Variants in SORD observed in about 807,000 individuals in gnomAD.
SORD encodes (R,R)-butanediol dehydrogenase.
SORD carries 18 observed loss-of-function variants against 35.6 expected under a neutral mutation model. The ratio of observed to expected loss-of-function variants is 0.51; its 90% CI spans 0.35 to 0.75. The LOEUF (loss-of-function observed/expected upper bound fraction) is 0.75, where lower values mean the gene tolerates loss of function less well. SORD is among the 30% of genes least tolerant of loss of function. SORD has a pLI of 0.01. For synonymous variants in SORD, 106 were observed against 152.9 expected (o/e 0.69, Z 2.26); for missense variants, 250 against 390.2 (o/e 0.64, Z 3.03).
At chr15:45,029,507 G>A (rs1892736001) in intron 1 of SORD, among the ~76,000 whole-genome samples, 1 of 152,276 alleles carries the variant, frequency 6.6e-6, no homozygotes, top group South Asian at 2.1e-4. Flanking sequence ...CAGCACCCAG[G>A]TAAGGGTGTC....
Position 45,023,283 on chromosome 15 carries a change from C to T in SORD, c.-1C>T, listed in dbSNP as rs1276843122. On this transcript the variant is annotated 5_prime_UTR_variant, in exon 1 of 9. Transcript: ENST00000267814. Reference sequence around the variant, plus strand: ...CCGCACTCCAGAGCCAAAAGAGCTCCATGGCGGCGGCGGCCAAGCCCAACA... The same window carrying T: ...CCGCACTCCAGAGCCAAAAGAGCTCTATGGCGGCGGCGGCCAAGCCCAACA... The T allele has an allele frequency of 6.9e-6, 11 of 1,583,904 alleles. No homozygotes were observed. In the Admixed American group the frequency reaches 9.0e-5, roughly 13 times the overall value.
At chr15:45,064,139 T>C (rs1012633647) in intron 4 of SORD, among the ~76,000 whole-genome samples, 1 of 149,830 alleles carries the variant, frequency 6.7e-6, no homozygotes, top group African/African-American at 2.4e-5. Context: ...GTGTGCAGAT[T>C]TGGGGTGCTG....
In SORD at chr15:45,066,999, G is replaced by T. The variant is rs181289413; in HGVS notation, c.545-1182G>T. On this transcript the variant is annotated intron_variant, in intron 5 of 8. Transcript: ENST00000267814. ...CAAGAGAACCACTGTTAATATTTGG[G>T]TATAGAATCTTTTAGTTAGTTAGTT... 3.9e-4 allele frequency among the ~76,000 whole-genome samples: 60 copies of T among 152,274 alleles called. 1 individual carries two copies. In the East Asian group the frequency reaches 0.01, roughly 26 times the overall value.
At chr15:45,040,923 G>A (rs1157769613) in intron 2 of SORD, among the ~76,000 whole-genome samples, 1 of 152,212 alleles carries the variant, frequency 6.6e-6, no homozygotes, top group Non-Finnish European at 1.5e-5. Flanking sequence ...TCACCAAAGT[G>A]TGGGGCAGCC....
intron 4 of SORD, among the ~76,000 whole-genome samples, 162 bp from the exon 5 acceptor site, chr15:45,065,109 G>A (rs1174196017): frequency 6.6e-6 from 1 of 152,210 alleles, no homozygotes; most frequent in African/African-American, 2.4e-5. Context: ...GGATTTACGT[G>A]AGTTAATGTA....
chr15:45,059,103 A>G (rs1350302532), intron 3 of SORD, among the ~76,000 whole-genome samples: 1 of 152,032 alleles, frequency 6.6e-6, no homozygotes, highest in Admixed American at 6.6e-5. Flanking sequence ...TGATTTTTCC[A>G]AGCTGCTCTT....
At chr15:45,035,230 C>T (rs892887123) in intron 1 of SORD, among the ~76,000 whole-genome samples, 2 of 152,166 alleles carry the variant, frequency 1.3e-5, no homozygotes, top group Non-Finnish European at 2.9e-5. Context: ...GCGCACGGTG[C>T]GGGACTGGCA....
intron 1 of SORD, among the ~76,000 whole-genome samples, chr15:45,025,042 C>A (rs1314143337): frequency 6.6e-5 from 10 of 152,208 alleles, no homozygotes. Context: ...GTTCCGTAGA[C>A]AAAGCTTTGA....
intron 3 of SORD, among the ~76,000 whole-genome samples, chr15:45,053,187 G>A (rs1379119962): frequency 6.6e-6 from 1 of 152,176 alleles, no homozygotes; most frequent in African/African-American, 2.4e-5. Context: ...TTGTCAATCA[G>A]TCACAACAAG....
At chr15:45,041,825 T>C (rs1393622533) in intron 2 of SORD, 2 of 152,184 alleles carry the variant, frequency 1.3e-5, no homozygotes, top group African/African-American at 4.8e-5. Context: ...ACACTTGCAT[T>C]GGAAGGGAAA....
In SORD at chr15:45,044,371, G is replaced by A. The variant is rs1288108021; in HGVS notation, c.265+950G>A. Among the ~76,000 whole-genome samples, 7 of 151,436 alleles carry A rather than the reference G, an allele frequency of 4.6e-5. No individual in the cohort carries two copies. In the East Asian group the frequency reaches 7.7e-4, roughly 17 times the overall value. ...CACAATGAGCTCAGTCTTATGCCACGAGCCCTGAGGGATATAGAAAAATGA... is the reference window on the plus strand; with the variant it reads ...CACAATGAGCTCAGTCTTATGCCACAAGCCCTGAGGGATATAGAAAAATGA... On this transcript the variant is annotated intron_variant, in intron 3 of 8. Transcript: ENST00000267814.
intron 5 of SORD, among the ~76,000 whole-genome samples, chr15:45,066,306 T>C (rs914746712): frequency 1.3e-4 from 19 of 148,948 alleles, no homozygotes; most frequent in Non-Finnish European, 2.7e-4. Context: ...GATGGGAAAC[T>C]AGGGAAATTT....
chr15:45,061,042 G>A, intron 3 of SORD, 25 bp from the exon 4 acceptor site: 2 of 1,613,930 alleles, frequency 1.2e-6, no homozygotes, highest in Non-Finnish European at 1.7e-6. Context: ...CTCGGACATG[G>A]TGCCATCTTT....
chr15:45,028,138 C>T (rs1892707413), intron 1 of SORD, among the ~76,000 whole-genome samples: 1 of 152,300 alleles, frequency 6.6e-6, no homozygotes, highest in East Asian at 1.9e-4. Flanking sequence ...CCAGCCTGGC[C>T]AACATGGCAA....
intron 1 of SORD, among the ~76,000 whole-genome samples, chr15:45,035,072 G>C (rs1321188256): frequency 1.3e-5 from 2 of 152,156 alleles, no homozygotes; most frequent in African/African-American, 2.4e-5. Context: ...GCCTTCCCGC[G>C]GGGCAGGGCT....
intron 1 of SORD, among the ~76,000 whole-genome samples, chr15:45,033,798 C>G (rs1336270031): frequency 6.7e-6 from 1 of 149,542 alleles, no homozygotes; most frequent in Non-Finnish European, 1.5e-5. Context: ...CAGGTTTCTT[C>G]AGGTCATTAT....
intron 1 of SORD, among the ~76,000 whole-genome samples, chr15:45,029,914 C>T (rs1892746844): frequency 6.6e-6 from 1 of 152,194 alleles, no homozygotes; most frequent in South Asian, 2.1e-4. Context: ...TTTATAGGCA[C>T]AGGATAGGAA....
intron 3 of SORD, among the ~76,000 whole-genome samples, chr15:45,051,598 C>A (rs930874923): frequency 6.6e-6 from 1 of 152,170 alleles, no homozygotes; most frequent in African/African-American, 2.4e-5. Context: ...AGGCAAAAAC[C>A]TTCACTCATT....
At chr15:45,041,501 C>T (rs1892965636) in intron 2 of SORD, among the ~76,000 whole-genome samples, 1 of 152,060 alleles carries the variant, frequency 6.6e-6, no homozygotes, top group South Asian at 2.1e-4. Flanking sequence ...AGGCGGCTTT[C>T]CTGGTAGATC....
Sources: allele counts gnomAD v4.1 joint callset (sites outside exome capture counted in the v4.1 genomes callset), GRCh38; gene constraint gnomAD v4.1.1; transcripts MANE v1.5; gene names NCBI Gene and HGNC (gene_info 2026-07-23, HGNC 2026-07-21).